The following FXYD1 variants were observed in gnomAD, a reference collection of about 807,000 sequenced individuals.
FXYD1 encodes the protein FXYD domain containing ion transport regulator 1, also known as phospholemman.
FXYD1 carries 9 observed loss-of-function variants against 17.2 expected under a neutral mutation model. The ratio of observed to expected loss-of-function variants is 0.52; its 90% confidence interval spans 0.32 to 0.91. The LOEUF (loss-of-function observed/expected upper bound fraction) is 0.91, where lower values mean the gene tolerates loss of function less well. Among genes scored for constraint, FXYD1 ranks in the 40% least tolerant of loss-of-function variants. The pLI is 0.04. For synonymous variants in FXYD1, 55 were observed against 45.8 expected (o/e 1.20, Z -0.81); for missense variants, 113 against 120.6 (o/e 0.94, Z 0.29).
At position 35,141,303 on chromosome 19, in the gene FXYD1, CTCTCCCTGGCCCCGCT is replaced by C. The variant is rs1348278662; in HGVS notation, c.169+107_169+122del. The C allele has an allele frequency of 2.2e-4, 65 of 297,372 alleles. 1 individual carries two copies. Among genetic ancestry groups the C allele is most frequent in the East Asian group, 2.1e-3 (35 of 16,698 alleles). 18.4% of individuals were successfully genotyped at this position (297,372 alleles called of 1,614,324 possible). A position where few individuals can be genotyped will look rare whatever the true frequency, so the allele number is the denominator to read the frequency against. ...CTGGCCCCGCCTCTCCCTAGCCCCCCTCTCCCTGGCCCCGCTTCTCCCTGGTCCCGCCCCTCCCTGG... is the reference window on the plus strand; with the variant it reads ...CTGGCCCCGCCTCTCCCTAGCCCCCCTCTCCCTGGTCCCGCCCCTCCCTGG... On this transcript the variant is annotated intron_variant, in intron 4 of 7. Transcript: ENST00000351325.
Position 35,142,706 on chromosome 19 carries a change from C to A in FXYD1, c.257-14C>A. On this transcript the variant is annotated splice_polypyrimidine_tract_variant and intron_variant, in intron 6 of 7. Transcript: ENST00000351325. ...CCTCTCCAGAATGACCCCCGATCTC[C>A]GTGTTCCCCCCAGGTCTGTCCACCC... The A allele has an allele frequency of 6.2e-7, 1 of 1,613,536 alleles. No individual in the cohort carries two copies. Among genetic ancestry groups the A allele is most frequent in the Non-Finnish European group, 8.5e-7 (1 of 1,179,664 alleles).
intron 2 of FXYD1, 60 bp downstream of exon 2, chr19:35,140,200 G>A (rs920089725): frequency 1.4e-5 from 14 of 1,006,594 alleles, no homozygotes; most frequent in Non-Finnish European, 2.1e-5. Flanking sequence ...GGTGGGGACC[G>A]AAGAACCAAG....
intron 3 of FXYD1, chr19:35,140,912 GTCC>G (rs1165488927): frequency 1.8e-6 from 1 of 549,102 alleles, no homozygotes; most frequent in Non-Finnish European, 3.2e-6. Flanking sequence ...TCTCCCCCCT[GTCC>G]TCCTCCTCCC....
Position 35,141,203 on chromosome 19 carries a change from CTGAG to C in FXYD1, c.169+4_169+7del, listed in dbSNP as rs781543780. Reference sequence around the variant, plus strand: ...CTTCATCCTGGGCATCCTCATCGTGCTGAGTGAGTGCCCCTAGCTCCCGCCCTCT... The same window carrying C: ...CTTCATCCTGGGCATCCTCATCGTGCTGAGTGCCCCTAGCTCCCGCCCTCT... On this transcript the variant is annotated splice_donor_variant and coding_sequence_variant, in exon 4 of 8. Coordinates refer to ENST00000351325, the MANE Select transcript of FXYD1 (RefSeq NM_021902.4). LOFTEE classifies it high-confidence loss of function. 38 of 1,595,540 alleles carry C rather than the reference CTGAG, an allele frequency of 2.4e-5. No homozygotes were observed. The highest frequency in any genetic ancestry group is 9.9e-5 in the South Asian group (9 of 90,712).
At chr19:35,141,730 G>A (rs12461849) in intron 5 of FXYD1, among the ~76,000 whole-genome samples, 158 bp downstream of exon 5, 55,841 of 151,992 alleles carry the variant, frequency 0.37, 10,419 homozygotes, top group South Asian at 0.5. Flanking sequence ...CTGGGACCAA[G>A]CGAGGAAAAA....
At chr19:35,142,439 C>T in intron 5 of FXYD1, 33 bp from the exon 6 acceptor site, 3 of 1,571,672 alleles carry the variant, frequency 1.9e-6, no homozygotes, top group Non-Finnish European at 2.6e-6. Context: ...TCCCCCTTTC[C>T]ATCCCGAAAT....
rs540169302 is a variant in FXYD1 at position 35,140,854 on chromosome 19, C to A, written c.94+225C>A. 7 of 595,810 alleles carry A rather than the reference C, an allele frequency of 1.2e-5. No individual in the cohort carries two copies. The South Asian group carries it at 1.2e-4, about 11-fold the overall frequency. 36.9% of individuals were successfully genotyped at this position (595,810 alleles called of 1,614,324 possible). A position where few individuals can be genotyped will look rare whatever the true frequency, so the allele number is the denominator to read the frequency against. ...TCTCTGGTTCTCTTTCTCTTGCCTG[C>A]GTCTGTCTCAGCATCTCGTGGCCCA... is the stretch of plus-strand genomic sequence containing the variant. On this transcript the variant is annotated intron_variant, in intron 3 of 7. Transcript: ENST00000351325.
intron 3 of FXYD1, 139 bp downstream of exon 3, chr19:35,140,768 AT>A: frequency 1.5e-6 from 1 of 680,684 alleles, no homozygotes; most frequent in Admixed American, 2.4e-5. Context: ...TTCCTCTCTG[AT>A]TCCACCTGTC....
rs376622193 is a variant in FXYD1 at position 35,140,059 on chromosome 19, C to T, written c.-4-17C>T. The T allele has an allele frequency of 7.2e-5, 116 of 1,610,634 alleles. No individual in the cohort carries two copies. The highest frequency in any genetic ancestry group is 9.4e-5 in the Non-Finnish European group (111 of 1,177,004). On this transcript the variant is annotated splice_polypyrimidine_tract_variant and intron_variant, in intron 1 of 7. Coordinates refer to ENST00000351325, the MANE Select transcript of FXYD1 (RefSeq NM_021902.4). ...GAGCAAGGGCACACACTGCCTAATCCGTGGTGTCCCCCCCAGGACAATGGC... is the reference window on the plus strand; with the variant it reads ...GAGCAAGGGCACACACTGCCTAATCTGTGGTGTCCCCCCCAGGACAATGGC...
At position 35,140,659 on chromosome 19, in the gene FXYD1, G is replaced by C. The variant is rs375147323; in HGVS notation, c.94+30G>C. The C allele has an allele frequency of 7.4e-5, 119 of 1,605,662 alleles. No individual in the cohort carries two copies. The African/African-American group carries it at 1.2e-3, about 16-fold the overall frequency. ...GCGGGGGGTCTAATTTTGAGTCCTG[G>C]GGGAGAGCCTGGCTTTGCTGGTCCT... is the stretch of plus-strand genomic sequence containing the variant. On this transcript the variant is annotated intron_variant, in intron 3 of 7. Transcript: ENST00000351325.
intron 1 of FXYD1, 119 bp downstream of exon 1, chr19:35,139,013 AG>A (rs1426637048): frequency 1.3e-5 from 2 of 151,824 alleles, no homozygotes; most frequent in African/African-American, 4.9e-5. Flanking sequence ...AGAGGGAGGG[AG>A]TGTGGTTGAG....
At chr19:35,141,038 T>A (rs2065247072) in intron 3 of FXYD1, 94 bp from the exon 4 acceptor site, 1 of 768,842 alleles carries the variant, frequency 1.3e-6, no homozygotes, top group African/African-American at 1.7e-5. Flanking sequence ...TGCCTGCTGG[T>A]CCTTTCTCCC....
In FXYD1 at chr19:35,143,107, G is replaced by GC. The variant is rs1420035510; in HGVS notation, c.*221dup. 3.6e-6 allele frequency: 2 copies of GC among 552,022 alleles called. No individual in the cohort carries two copies. The highest frequency in any genetic ancestry group is 6.3e-6 in the Non-Finnish European group (2 of 316,354). 34.2% of individuals were successfully genotyped at this position (552,022 alleles called of 1,614,324 possible). On this transcript the variant is annotated 3_prime_UTR_variant, in exon 8 of 8. Coordinates refer to ENST00000351325, the MANE Select transcript of FXYD1 (RefSeq NM_021902.4). The surrounding 1 kb of genome is among the most constrained non-coding windows in gnomAD (Gnocchi z 4.3). ...GAAACGCCAGCGCCACTGGGCCCCA[G>GC]CAGGGGGCGCCCCACCCTAGAGGAA...
In FXYD1 at chr19:35,142,514, C is replaced by A. The variant is rs1393224545; in HGVS notation, c.249C>A (p.Ser83=). The A allele has an allele frequency of 6.2e-7, 1 of 1,613,436 alleles. No individual in the cohort carries two copies. Among genetic ancestry groups the A allele is most frequent in the Admixed American group, 1.7e-5 (1 of 59,940 alleles). The change falls in exon 6 of 8, where the codon TCC becomes TCA. Residue 83 remains serine, a synonymous_variant. Transcript: ENST00000351325. The stretch of plus-strand genomic sequence containing the variant: ...AAGAGGAGGGAACTTTCCGCAGCTC[C>A]ATCCGCCGTGAGTCTGGGGAGACTG... ...PDEEEGTFRS[S]IRRLSTRRR
At chr19:35,142,433 C>G in intron 5 of FXYD1, 39 bp from the exon 6 acceptor site, 4 of 1,549,662 alleles carry the variant, frequency 2.6e-6, no homozygotes, top group Non-Finnish European at 3.5e-6. Flanking sequence ...AGCCTCTCCC[C>G]CTTTCCATCC....
In FXYD1 at chr19:35,142,739, G is replaced by A. The variant is rs1164329315; in HGVS notation, c.276G>A (p.Arg92=). Residue 92 remains arginine, a synonymous_variant, in exon 7 of 8, where the codon CGG becomes CGA. Coordinates refer to ENST00000351325, the MANE Select transcript of FXYD1 (RefSeq NM_021902.4). ...SSIRRLSTRR[R] The stretch of plus-strand genomic sequence containing the variant: ...CCCCAGGTCTGTCCACCCGCAGGCG[G>A]TAGAAACACCTGGAGCGATGGAATC... The A allele has an allele frequency of 1.2e-6, 2 of 1,613,598 alleles. No homozygotes were observed. Among genetic ancestry groups the A allele is most frequent in the Admixed American group, 1.7e-5 (1 of 60,008 alleles).
intron 7 of FXYD1, 62 bp downstream of exon 7, chr19:35,142,833 A>T: frequency 1.6e-6 from 2 of 1,284,472 alleles, no homozygotes; most frequent in Non-Finnish European, 2.2e-6. Context: ...CGGGAGAGGG[A>T]GGGGGCCAAG....
At chr19:35,141,679 T>C in intron 5 of FXYD1, 107 bp downstream of exon 5, 2 of 897,684 alleles carry the variant, frequency 2.2e-6, no homozygotes, top group Non-Finnish European at 1.8e-6. Flanking sequence ...TCAGCGACTA[T>C]GTATTAAGCA....
chr19:35,139,672 A>C, intron 1 of FXYD1: 1 of 181,544 alleles, frequency 5.5e-6, no homozygotes. Context: ...CGCGGGGCAC[A>C]GTGAGGCCGG....
Sources: gnomAD v4.1 joint callset for allele counts (sites outside exome capture counted in the v4.1 genomes callset) on GRCh38, gnomAD v4.1.1 for gene constraint, Gnocchi (gnomAD v3.1) non-coding constraint, MANE v1.5 for transcripts, NCBI Gene and HGNC (gene_info 2026-07-23, HGNC 2026-07-21) for gene names.